PSPC1: variants seen among roughly 807,000 people sequenced by gnomAD.
The protein encoded by PSPC1 is paraspeckle component 1.
PSPC1 carries 14 observed loss-of-function variants against 51.6 expected under a neutral mutation model. That is an observed-to-expected ratio of 0.27 (90% CI 0.18 to 0.42). The LOEUF (loss-of-function observed/expected upper bound fraction) is 0.42. Ranked by LOEUF, PSPC1 falls within the 10% of genes least tolerant of loss-of-function variation. The probability of loss-of-function intolerance (pLI) is 1.00; values close to 1 mark genes in which losing one functional copy is unlikely to be tolerated. For synonymous variants in PSPC1, 193 were observed against 231.9 expected, an observed-to-expected ratio of 0.83 and a Z score of 1.53; for missense variants, 406 against 701.1, an observed-to-expected ratio of 0.58 and a Z score of 4.75.
At chr13:19,727,394 CAATA>C (rs1411810256) in intron 6 of PSPC1, among the ~76,000 whole-genome samples, 1 of 148,888 alleles carries the variant, frequency 6.7e-6, no homozygotes, top group South Asian at 2.2e-4. Context: ...AACTCTGCCT[CAATA>C]AATAAATAAA....
At chr13:19,708,348 A>C (rs1316829688) in intron 7 of PSPC1, among the ~76,000 whole-genome samples, 3 of 152,218 alleles carry the variant, frequency 2.0e-5, no homozygotes, top group Non-Finnish European at 4.4e-5. Context: ...GAAACTATGT[A>C]CTTTTAAGTT....
chr13:19,682,945 G>A (rs745697379), intron 6 of PSPC1, among the ~76,000 whole-genome samples: 10 of 152,108 alleles, frequency 6.6e-5, no homozygotes, highest in Non-Finnish European at 1.2e-4. Flanking sequence ...GCACATGCCT[G>A]TATTCCCAGC....
At chr13:19,753,397 A>G (rs1886762756) in intron 3 of PSPC1, among the ~76,000 whole-genome samples, 2 of 151,650 alleles carry the variant, frequency 1.3e-5, no homozygotes, top group African/African-American at 4.8e-5. Flanking sequence ...CACCATGACC[A>G]GCTAATTTTT....
intron 4 of PSPC1, among the ~76,000 whole-genome samples, chr13:19,747,306 T>C (rs1886095853): frequency 6.6e-6 from 1 of 152,128 alleles, no homozygotes; most frequent in Non-Finnish European, 1.5e-5. Flanking sequence ...TATATTCATG[T>C]AGAAAGTAAA....
intron 2 of PSPC1, among the ~76,000 whole-genome samples, chr13:19,763,104 CA>C (rs377273050): frequency 3.7e-4 from 49 of 131,788 alleles, no homozygotes; most frequent in South Asian, 4.8e-4. Context: ...AAACTGTTTC[CA>C]AAAAAAAAAA....
intron 1 of PSPC1, among the ~76,000 whole-genome samples, chr13:19,779,777 GT>G (rs1209176930): frequency 2.4e-5 from 2 of 85,010 alleles, no homozygotes; most frequent in Admixed American, 1.0e-4. Flanking sequence ...CGTCTGGGAG[GT>G]GAGGGGCGCC....
intron 5 of PSPC1, 114 bp downstream of exon 5, chr13:19,741,451 G>T: frequency 2.8e-6 from 2 of 711,618 alleles, no homozygotes; most frequent in Non-Finnish European, 4.6e-6. Context: ...GGTTAAAATG[G>T]GCAATTTTTC....
chr13:19,742,178 T>C (rs1885495825), intron 4 of PSPC1, among the ~76,000 whole-genome samples: 1 of 149,724 alleles, frequency 6.7e-6, no homozygotes, highest in Non-Finnish European at 1.5e-5. Flanking sequence ...AAACTCATCT[T>C]GGCTGGGCGC....
intron 8 of PSPC1, among the ~76,000 whole-genome samples, chr13:19,704,753 GA>G (rs1880435560): frequency 6.7e-6 from 1 of 148,848 alleles, no homozygotes. Context: ...AATTACAACT[GA>G]AAAACCTTGT....
downstream of PSPC1, chr13:19,674,544 T>TTTG (rs1310071170): frequency 6.6e-6 from 1 of 152,176 alleles, no homozygotes; most frequent in African/African-American, 2.4e-5. Context: ...TGACTGTTTG[T>TTTG]TTGTTAATGA....
At chr13:19,748,410 A>T (rs1886205547) in intron 4 of PSPC1, among the ~76,000 whole-genome samples, 1 of 152,166 alleles carries the variant, frequency 6.6e-6, no homozygotes, top group African/African-American at 2.4e-5. Context: ...ATTTTCTAAT[A>T]TTATAAACTA....
chr13:19,713,526 T>A (rs1425523769), intron 6 of PSPC1, among the ~76,000 whole-genome samples: 1 of 105,490 alleles, frequency 9.5e-6, no homozygotes, highest in Non-Finnish European at 1.8e-5. Context: ...TTCCAACATA[T>A]CTCCATGTCC....
intron 6 of PSPC1, among the ~76,000 whole-genome samples, chr13:19,693,912 A>G (rs1878863519): frequency 6.6e-6 from 1 of 152,116 alleles, no homozygotes; most frequent in African/African-American, 2.4e-5. Flanking sequence ...TCACGAGGTC[A>G]GGAGATCGAG....
chr13:19,781,203 G>T (rs1194870856), intron 1 of PSPC1, among the ~76,000 whole-genome samples: 1 of 151,446 alleles, frequency 6.6e-6, no homozygotes, highest in Non-Finnish European at 1.5e-5. Context: ...TTTGAGACGG[G>T]ATCTCGCTCT....
chr13:19,764,110 C>T (rs1887836151), intron 2 of PSPC1, among the ~76,000 whole-genome samples: 1 of 151,864 alleles, frequency 6.6e-6, no homozygotes, highest in Non-Finnish European at 1.5e-5. Context: ...AATTTATTTA[C>T]AAAAAAACTT....
intron 3 of PSPC1, among the ~76,000 whole-genome samples, chr13:19,752,586 A>ATTTT (rs1444018151): frequency 6.7e-6 from 1 of 150,290 alleles, no homozygotes; most frequent in African/African-American, 2.5e-5. Context: ...TTTTTTATTT[A>ATTTT]TTTATTTATT....
intron 4 of PSPC1, 45 bp from the exon 5 acceptor site, chr13:19,741,694 C>T (rs1208430059): frequency 7.7e-7 from 1 of 1,304,252 alleles, no homozygotes; most frequent in Non-Finnish European, 1.1e-6. Context: ...TTTCCCTTTC[C>T]ATATTTTTAT....
intron 1 of PSPC1, among the ~76,000 whole-genome samples, chr13:19,778,387 CTCCCCCT>C (rs1473339453): frequency 2.4e-4 from 25 of 102,126 alleles, no homozygotes; most frequent in Admixed American, 3.1e-4. Flanking sequence ...CCCCCTCCCC[CTCCCCCT>C]CCCTCTCCCT....
chr13:19,741,283 C>G (rs181285664), intron 5 of PSPC1, among the ~76,000 whole-genome samples: 34 of 152,268 alleles, frequency 2.2e-4, no homozygotes, highest in African/African-American at 8.2e-4. Flanking sequence ...ATATCCATCT[C>G]TGGAAAAATG....
Sources: gnomAD v4.1 joint callset for allele counts (sites outside exome capture counted in the v4.1 genomes callset) on GRCh38, gnomAD v4.1.1 for gene constraint, MANE v1.5 for transcripts, NCBI Gene and HGNC (gene_info 2026-07-23, HGNC 2026-07-21) for gene names.